THSD7A: variants seen among roughly 807,000 people sequenced by gnomAD.
THSD7A encodes thrombospondin type-1 domain-containing protein 7A.
THSD7A carries 96 observed loss-of-function variants against 231.3 expected under a neutral mutation model. The ratio of observed to expected loss-of-function variants is 0.41; its 90% CI spans 0.35 to 0.49. The LOEUF is 0.49. THSD7A is among the 20% of genes least tolerant of loss of function. The pLI is 0.05. For missense variants in THSD7A, 2,290 were observed against 2,070.2 expected (o/e 1.11, Z -2.06); for synonymous variants, 940 against 743.3 (o/e 1.26, Z -4.30).
chr7:11,611,272 T>C (rs1228002271), intron 2 of THSD7A, among the ~76,000 whole-genome samples: 1 of 152,082 alleles, frequency 6.6e-6, no homozygotes, highest in Non-Finnish European at 1.5e-5. Context: ...AGCAATGTAT[T>C]AAGTATATGC....
chr7:11,758,165 G>A (rs913730079), intron 1 of THSD7A, among the ~76,000 whole-genome samples: 14 of 151,740 alleles, frequency 9.2e-5, no homozygotes. Flanking sequence ...GGTGGAAACT[G>A]AACTGTTTGC....
At chr7:11,818,395 T>C (rs1320394688) in intron 1 of THSD7A, among the ~76,000 whole-genome samples, 2 of 152,218 alleles carry the variant, frequency 1.3e-5, no homozygotes, top group Non-Finnish European at 2.9e-5. Context: ...TTTCTATTCT[T>C]ACGCACACCA....
Position 11,459,299 on chromosome 7 carries a change from A to T in THSD7A, c.2605+1363T>A, listed in dbSNP as rs538613072. 2.6e-5 allele frequency among the ~76,000 whole-genome samples: 4 copies of T among 152,168 alleles called. No homozygotes were observed. In the South Asian group the frequency reaches 8.3e-4, roughly 32 times the overall value. Reference sequence around the variant, plus strand: ...TGGAGACTAAAACTTATGTTTCCTGATTCCCAAACTCATGCTCATTTTCAT... The same window carrying T: ...TGGAGACTAAAACTTATGTTTCCTGTTTCCCAAACTCATGCTCATTTTCAT... On this transcript the variant is annotated intron_variant, in intron 11 of 27. Coordinates refer to ENST00000423059, the MANE Select transcript of THSD7A (RefSeq NM_015204.3).
chr7:11,475,928 T>C (rs1242343539), intron 7 of THSD7A, among the ~76,000 whole-genome samples: 2 of 145,862 alleles, frequency 1.4e-5, no homozygotes, highest in Admixed American at 6.9e-5. Flanking sequence ...CAAAAATAAA[T>C]ACTTTCCTTT....
At chr7:11,808,139 C>T (rs1040595166) in intron 1 of THSD7A, among the ~76,000 whole-genome samples, 3 of 120,138 alleles carry the variant, frequency 2.5e-5, no homozygotes, top group Non-Finnish European at 5.5e-5. Context: ...TTCTGCAGGG[C>T]AGTTTAGAAA....
At chr7:11,741,282 C>A (rs1264580634) in intron 1 of THSD7A, among the ~76,000 whole-genome samples, 1 of 151,864 alleles carries the variant, frequency 6.6e-6, no homozygotes. Flanking sequence ...TTTTCAATAA[C>A]CTCTGGCAGG....
intron 1 of THSD7A, among the ~76,000 whole-genome samples, chr7:11,757,922 GTAA>G (rs1274390348): frequency 2.0e-5 from 3 of 149,902 alleles, no homozygotes; most frequent in Non-Finnish European, 4.4e-5. Flanking sequence ...GGCCAATTTA[GTAA>G]TAATAATAAT....
chr7:11,433,323 C>T (rs1419544118), intron 13 of THSD7A, among the ~76,000 whole-genome samples: 1 of 151,844 alleles, frequency 6.6e-6, no homozygotes, highest in Non-Finnish European at 1.5e-5. Flanking sequence ...ATTAATTGAC[C>T]TAAAATAGTA....
At chr7:11,685,297 T>C (rs1259985807) in intron 1 of THSD7A, among the ~76,000 whole-genome samples, 1 of 151,858 alleles carries the variant, frequency 6.6e-6, no homozygotes, top group Non-Finnish European at 1.5e-5. Context: ...GGAAGTACTC[T>C]TCTGGAATTT....
chr7:11,811,970 T>C (rs1274541265), intron 1 of THSD7A, among the ~76,000 whole-genome samples: 1 of 152,116 alleles, frequency 6.6e-6, no homozygotes, highest in Non-Finnish European at 1.5e-5. Flanking sequence ...AAAAGTATAC[T>C]GCAATATTGT....
intron 15 of THSD7A, 38 bp downstream of exon 15, chr7:11,426,628 G>T (rs1401533582): frequency 1.3e-6 from 2 of 1,527,802 alleles, no homozygotes; most frequent in South Asian, 1.3e-5. Flanking sequence ...AAGAAAAGAA[G>T]GATTCTATCA....
intron 23 of THSD7A, among the ~76,000 whole-genome samples, chr7:11,395,604 T>C (rs1783153655): frequency 6.6e-6 from 1 of 151,550 alleles, no homozygotes; most frequent in Non-Finnish European, 1.5e-5. Flanking sequence ...CTCAGCTCAC[T>C]GCAACCTCCA....
intron 2 of THSD7A, among the ~76,000 whole-genome samples, chr7:11,621,875 C>G (rs529442174): frequency 4.6e-5 from 7 of 152,182 alleles, no homozygotes; most frequent in African/African-American, 1.7e-4. Context: ...AGATTTGTAT[C>G]AGATTTGTTG....
chr7:11,609,254 C>A (rs1780839963), intron 2 of THSD7A, among the ~76,000 whole-genome samples: 1 of 152,130 alleles, frequency 6.6e-6, no homozygotes, highest in Admixed American at 6.6e-5. Flanking sequence ...ACATGGCATG[C>A]TGAGAACATC....
At chr7:11,470,108 T>C in intron 8 of THSD7A, 114 bp from the exon 9 acceptor site, 1 of 721,460 alleles carries the variant, frequency 1.4e-6, no homozygotes, top group South Asian at 1.6e-5. Flanking sequence ...TCATCTGTAT[T>C]ATTTAACTTC....
intron 4 of THSD7A, 81 bp from the exon 5 acceptor site, chr7:11,543,198 G>A (rs1789228724): frequency 7.8e-7 from 1 of 1,285,096 alleles, no homozygotes; most frequent in South Asian, 1.5e-5. Context: ...CTGTGTGTAT[G>A]GAAAAGGAAA....
chr7:11,494,550 A>AAAGG (rs1787022911), intron 6 of THSD7A, among the ~76,000 whole-genome samples: 1 of 152,068 alleles, frequency 6.6e-6, no homozygotes, highest in African/African-American at 2.4e-5. Flanking sequence ...TCCAGGGATG[A>AAAGG]AAGGAAAGAA....
chr7:11,401,118 A>G (rs1783387570), intron 23 of THSD7A, among the ~76,000 whole-genome samples: 1 of 152,198 alleles, frequency 6.6e-6, no homozygotes, highest in Admixed American at 6.5e-5. Context: ...GAAAAAATAT[A>G]GTAAAATCTC....
At position 11,446,786 on chromosome 7, in the gene THSD7A, C is replaced by G. The variant is rs1784985312; in HGVS notation, c.2800+444G>C. Among the ~76,000 whole-genome samples, 1 of 152,150 alleles carries G rather than the reference C, an allele frequency of 6.6e-6. No homozygotes were observed. Among genetic ancestry groups the G allele is most frequent in the Non-Finnish European group, 1.5e-5 (1 of 68,018 alleles). On this transcript the variant is annotated intron_variant, in intron 12 of 27. Transcript: ENST00000423059. The surrounding 1 kb of genome is among the most constrained non-coding windows in gnomAD (Gnocchi z 4.0). ...GGATCCTAATCCTGCTCATTATATT[C>G]ATGCTGTTAGTCATTACTATGGTTT...
Sources: allele counts gnomAD v4.1 joint callset (sites outside exome capture counted in the v4.1 genomes callset), GRCh38; gene constraint gnomAD v4.1.1; non-coding constraint Gnocchi (gnomAD v3.1); transcripts MANE v1.5; gene names NCBI Gene and HGNC (gene_info 2026-07-23, HGNC 2026-07-21).